The following NRXN3 variants were observed in gnomAD, a reference collection of about 807,000 sequenced individuals.
NRXN3 encodes the protein neurexin 3, also known as neurexin III.
In NRXN3, 32 loss-of-function variants were observed where a neutral mutation model predicts 137.6. The ratio of observed to expected loss-of-function variants is 0.23; its 90% CI spans 0.18 to 0.31. NRXN3 has a LOEUF of 0.31. Among genes scored for constraint, NRXN3 ranks in the 10% least tolerant of loss-of-function variants. NRXN3 has a pLI of 1.00. For synonymous variants in NRXN3, 798 were observed against 784.5 expected, an observed-to-expected ratio of 1.02 and a Z score of -0.29; for missense variants, 1,574 against 2,062.5, an observed-to-expected ratio of 0.76 and a Z score of 4.59.
At chr14:79,376,049 T>C (rs1247597010) in intron 15 of NRXN3, among the ~76,000 whole-genome samples, 3 of 133,416 alleles carry the variant, frequency 2.2e-5, no homozygotes, top group East Asian at 4.1e-4. Context: ...TAAGTGTATA[T>C]GTAAGTAATA....
chr14:79,091,067 T>C lies in NRXN3; in HGVS notation c.3262+102926T>C, dbSNP rs1462267742. 4.1e-5 allele frequency among the ~76,000 whole-genome samples: 5 copies of C among 121,844 alleles called. No individual in the cohort carries two copies. The South Asian group carries it at 1.3e-3, about 32-fold the overall frequency. 79.9% of individuals were successfully genotyped at this position (121,844 alleles called of 152,430 possible). Reference sequence around the variant, plus strand: ...AGAAAACAGTACCATATAATCCTTTTGTCTCAGTAAAAAAAAAAAAAAAGT... The same window carrying C: ...AGAAAACAGTACCATATAATCCTTTCGTCTCAGTAAAAAAAAAAAAAAAGT... On this transcript the variant is annotated intron_variant, in intron 15 of 20. Coordinates refer to ENST00000335750, the MANE Select transcript of NRXN3 (RefSeq NM_001330195.2).
chr14:79,616,277 G>C lies in NRXN3; in HGVS notation c.3445-47501G>C, dbSNP rs536005990. 7.9e-5 allele frequency among the ~76,000 whole-genome samples: 12 copies of C among 152,262 alleles called. No homozygotes were observed. The East Asian group carries it at 2.3e-3, about 29-fold the overall frequency. ...GAGAGGCTGCAGCATGGGAGCAACAGCTGGAGTGAAGAAGAGAGGATATGT... is the reference window on the plus strand; with the variant it reads ...GAGAGGCTGCAGCATGGGAGCAACACCTGGAGTGAAGAAGAGAGGATATGT... On this transcript the variant is annotated intron_variant, in intron 16 of 20. Transcript: ENST00000335750.
intron 15 of NRXN3, among the ~76,000 whole-genome samples, chr14:79,294,104 G>A (rs1391925082): frequency 6.6e-6 from 1 of 152,170 alleles, no homozygotes; most frequent in Non-Finnish European, 1.5e-5. Flanking sequence ...TAAAGAGGAA[G>A]TATCTGAGGG....
At chr14:78,489,939 G>T (rs1242484221) in intron 4 of NRXN3, among the ~76,000 whole-genome samples, 4 of 148,628 alleles carry the variant, frequency 2.7e-5, no homozygotes, top group African/African-American at 1.0e-4. Flanking sequence ...TTTTGAGACA[G>T]AGTCTCACGC....
chr14:78,295,528 A>G (rs1029520152), intron 3 of NRXN3, among the ~76,000 whole-genome samples: 2 of 152,186 alleles, frequency 1.3e-5, no homozygotes, highest in East Asian at 1.9e-4. Flanking sequence ...TAAATATCCA[A>G]TTCCCCTTAG....
At chr14:78,831,981 CA>C (rs1461798856) in intron 10 of NRXN3, among the ~76,000 whole-genome samples, 1 of 151,908 alleles carries the variant, frequency 6.6e-6, no homozygotes, top group Non-Finnish European at 1.5e-5. Flanking sequence ...GCATGTTTCT[CA>C]GTGGGGAGTG....
At chr14:79,334,234 G>T (rs901058946) in intron 15 of NRXN3, among the ~76,000 whole-genome samples, 3 of 152,082 alleles carry the variant, frequency 2.0e-5, no homozygotes, top group African/African-American at 7.2e-5. Context: ...ATGGTGCTAT[G>T]AAAAAAATAA....
At chr14:78,792,977 A>G (rs2098810277) in intron 8 of NRXN3, among the ~76,000 whole-genome samples, 1 of 152,204 alleles carries the variant, frequency 6.6e-6, no homozygotes, top group Admixed American at 6.5e-5. Flanking sequence ...CAATAACTTA[A>G]CAGTACATTT....
At chr14:78,690,532 T>C (rs550633106) in intron 6 of NRXN3, among the ~76,000 whole-genome samples, 1 of 152,348 alleles carries the variant, frequency 6.6e-6, no homozygotes, top group South Asian at 2.1e-4. Context: ...TCAGAGACCA[T>C]GTCCTAACAT....
chr14:78,648,149 C>T (rs554761199), intron 5 of NRXN3, among the ~76,000 whole-genome samples: 77 of 152,300 alleles, frequency 5.1e-4, no homozygotes, highest in African/African-American at 1.8e-3. Flanking sequence ...TGTGGACTAC[C>T]TGTATCTATT....
intron 16 of NRXN3, among the ~76,000 whole-genome samples, chr14:79,568,532 C>T (rs548992559): frequency 6.7e-6 from 1 of 148,922 alleles, no homozygotes; most frequent in East Asian, 1.9e-4. Context: ...GAGATGTTCT[C>T]ACTATATCTA....
At chr14:78,888,848 T>TACACACACACAC (rs59053009) in intron 10 of NRXN3, among the ~76,000 whole-genome samples, 49 of 146,422 alleles carry the variant, frequency 3.3e-4, no homozygotes, top group African/African-American at 1.2e-3. Context: ...ATCACACACA[T>TACACACACACAC]ACACACACAC....
chr14:79,255,557 T>G (rs1188226082), intron 15 of NRXN3, among the ~76,000 whole-genome samples: 3 of 152,260 alleles, frequency 2.0e-5, no homozygotes, highest in Admixed American at 2.0e-4. Context: ...TACTGCAAGT[T>G]GTTGCATTAA....
At chr14:78,773,532 C>A (rs1298483255) in intron 8 of NRXN3, among the ~76,000 whole-genome samples, 2 of 152,072 alleles carry the variant, frequency 1.3e-5, no homozygotes. Flanking sequence ...CCCACACTCC[C>A]CTGCAGTTAT....
At chr14:79,568,316 GA>G (rs2097568534) in intron 16 of NRXN3, among the ~76,000 whole-genome samples, 2 of 152,160 alleles carry the variant, frequency 1.3e-5, no homozygotes, top group Non-Finnish European at 1.5e-5. Context: ...TCACTGAGTT[GA>G]AACTTCATTC....
At chr14:78,769,930 G>C (rs2098721241) in intron 8 of NRXN3, among the ~76,000 whole-genome samples, 1 of 150,276 alleles carries the variant, frequency 6.7e-6, no homozygotes, top group Non-Finnish European at 1.5e-5. Context: ...GGAAACACAG[G>C]TTTTTGCTTA....
chr14:78,386,706 T>G (rs553799851), intron 4 of NRXN3, among the ~76,000 whole-genome samples: 120 of 152,310 alleles, frequency 7.9e-4, no homozygotes, highest in Non-Finnish European at 1.2e-3. Flanking sequence ...ATCCTGGACT[T>G]CAGATTCTAA....
intron 15 of NRXN3, among the ~76,000 whole-genome samples, chr14:79,205,233 G>A (rs1340747673): frequency 1.3e-5 from 2 of 152,130 alleles, no homozygotes; most frequent in Non-Finnish European, 2.9e-5. Flanking sequence ...CTTGGGAACC[G>A]AATTTTATGG....
intron 6 of NRXN3, among the ~76,000 whole-genome samples, chr14:78,697,113 C>A (rs981585830): frequency 6.6e-6 from 1 of 152,052 alleles, no homozygotes; most frequent in African/African-American, 2.4e-5. Context: ...ATTTATCACA[C>A]CTAGTTTTAT....
Sources: gnomAD v4.1 joint callset for allele counts (sites outside exome capture counted in the v4.1 genomes callset) on GRCh38, gnomAD v4.1.1 for gene constraint, MANE v1.5 for transcripts, NCBI Gene and HGNC (gene_info 2026-07-23, HGNC 2026-07-21) for gene names.